Variants in PDS5B observed in about 807,000 individuals in gnomAD.
The protein encoded by PDS5B is sister chromatid cohesion protein PDS5 homolog B.
A neutral mutation model predicts 184.1 loss-of-function variants in PDS5B; 51 were observed. The observed-to-expected ratio is 0.28, with a 90% CI of 0.22 to 0.35. The LOEUF (loss-of-function observed/expected upper bound fraction) is 0.35, where lower values mean the gene tolerates loss of function less well. PDS5B is among the 10% of genes least tolerant of loss of function. The pLI, the probability that PDS5B is intolerant of heterozygous loss-of-function variation, is 1.00. For missense variants in PDS5B, 1,180 were observed against 1,723.3 expected (o/e 0.68, Z 5.58); for synonymous variants, 566 against 569.2 (o/e 0.99, Z 0.08).
At chr13:32,655,376 T>A (rs201153942) in intron 3 of PDS5B, among the ~76,000 whole-genome samples, 1,240 of 63,204 alleles carry the variant, frequency 0.02, 34 homozygotes, top group African/African-American at 0.078. Context: ...ATATATATAT[T>A]TTTTTTTTTT....
At chr13:32,691,862 T>G (rs1465871675) in intron 13 of PDS5B, among the ~76,000 whole-genome samples, 1 of 152,170 alleles carries the variant, frequency 6.6e-6, no homozygotes, top group Non-Finnish European at 1.5e-5. Flanking sequence ...TATCAGACAT[T>G]TAAATTTTTC....
intron 1 of PDS5B, among the ~76,000 whole-genome samples, chr13:32,627,990 C>T (rs1435625139): frequency 2.0e-5 from 3 of 152,130 alleles, no homozygotes; most frequent in African/African-American, 4.8e-5. Flanking sequence ...CTCTTGGCTC[C>T]TGCCAGAGTA....
Position 32,765,169 on chromosome 13 carries a change from A to G in PDS5B, c.3624+575A>G, listed in dbSNP as rs150623841. Among the ~76,000 whole-genome samples the G allele has an allele frequency of 1.3e-3, 195 of 152,336 alleles. 3 individuals carry two copies. Among genetic ancestry groups the G allele is most frequent in the Admixed American group, 0.012 (181 of 15,306 alleles). On this transcript the variant is annotated intron_variant, in intron 31 of 34. Coordinates refer to ENST00000315596, the MANE Select transcript of PDS5B (RefSeq NM_015032.4). The stretch of plus-strand genomic sequence containing the variant: ...TTTAGCATAGACACAAAATACAGTT[A>G]TGTCTTCTAACACAACTCAATGGAC...
At chr13:32,732,861 C>T (rs1025420244) in intron 20 of PDS5B, among the ~76,000 whole-genome samples, 5 of 152,004 alleles carry the variant, frequency 3.3e-5, no homozygotes, top group Admixed American at 1.3e-4. Context: ...GTTCAAGAGC[C>T]TTGAGTAGAG....
chr13:32,635,536 G>A (rs2058535801), intron 1 of PDS5B, among the ~76,000 whole-genome samples: 1 of 149,612 alleles, frequency 6.7e-6, no homozygotes, highest in African/African-American at 2.5e-5. Context: ...TAGAGATGGG[G>A]TTTCACCATG....
chr13:32,646,605 G>T (rs7329120), intron 1 of PDS5B, among the ~76,000 whole-genome samples: 57,785 of 150,788 alleles, frequency 0.38, 11,510 homozygotes, highest in Non-Finnish European at 0.44. Flanking sequence ...TTAGCTTAAC[G>T]GGTTTTAGTG....
rs1950586740 is a variant in PDS5B, at chr13:32,659,265, G to C, written c.609G>C (p.Leu203=). The change falls in exon 6 of 35, where the codon CTG becomes CTC. Residue 203 remains leucine, a synonymous_variant. Transcript: ENST00000315596. ...TTTTGGATACGGTTTTAGTAAATCT[G>C]GTACCTGCTCATAAGGTGAGTAGCA... ...QELLDTVLVN[L]VPAHKNLNKQ... The C allele has an allele frequency of 1.3e-6, 2 of 1,586,316 alleles. No homozygotes were observed. Among genetic ancestry groups the C allele is most frequent in the South Asian group, 2.3e-5 (2 of 85,732 alleles).
chr13:32,740,278 A>G (rs1347380535), intron 21 of PDS5B, among the ~76,000 whole-genome samples: 1 of 152,102 alleles, frequency 6.6e-6, no homozygotes, highest in East Asian at 1.9e-4. Flanking sequence ...AGCTTTTGGG[A>G]TCTTGACATC....
chr13:32,649,361 A>G (rs1950309694), intron 2 of PDS5B: 1 of 154,414 alleles, frequency 6.5e-6, no homozygotes, highest in African/African-American at 2.4e-5. Context: ...ACTTCTATGG[A>G]TGAGGCTAGG....
chr13:32,674,058 A>G (rs1196658068), intron 8 of PDS5B, among the ~76,000 whole-genome samples: 1 of 151,862 alleles, frequency 6.6e-6, no homozygotes, highest in Non-Finnish European at 1.5e-5. Context: ...CAAGTAATCC[A>G]CCTGCCTCGG....
intron 19 of PDS5B, among the ~76,000 whole-genome samples, chr13:32,718,614 T>A (rs1349106910): frequency 6.6e-6 from 1 of 152,218 alleles, no homozygotes; most frequent in African/African-American, 2.4e-5. Context: ...CTGCTATTGT[T>A]TAACATTGTT....
intron 28 of PDS5B, among the ~76,000 whole-genome samples, 200 bp from the exon 29 acceptor site, chr13:32,759,428 A>C (rs1954299986): frequency 6.6e-6 from 1 of 152,208 alleles, no homozygotes; most frequent in Non-Finnish European, 1.5e-5. Context: ...GTTAGAGCTC[A>C]AATATGTTTT....
intron 1 of PDS5B, among the ~76,000 whole-genome samples, chr13:32,618,940 A>G (rs1295234659): frequency 1.3e-5 from 2 of 152,062 alleles, no homozygotes; most frequent in Non-Finnish European, 1.5e-5. Flanking sequence ...TGCAGAACGA[A>G]CTCTCATAGT....
At chr13:32,760,777 A>T in intron 30 of PDS5B, 57 bp downstream of exon 30, 5 of 1,484,244 alleles carry the variant, frequency 3.4e-6, no homozygotes, top group Non-Finnish European at 4.6e-6. Flanking sequence ...AGGCTATGAG[A>T]TCTGAAATAA....
intron 1 of PDS5B, among the ~76,000 whole-genome samples, chr13:32,598,772 T>C (rs1322625125): frequency 4.0e-4 from 56 of 138,586 alleles, no homozygotes; most frequent in East Asian, 1.4e-3. Context: ...TTTTCTCTCT[T>C]TTTTTTTTTT....
chr13:32,690,998 A>G (rs1213345200), intron 13 of PDS5B: 1 of 152,032 alleles, frequency 6.6e-6, no homozygotes, highest in Non-Finnish European at 1.5e-5. Context: ...TCCAAAATCC[A>G]TTACCTTTTT....
intron 1 of PDS5B, among the ~76,000 whole-genome samples, chr13:32,611,016 G>A (rs9591165): frequency 0.4 from 59,856 of 151,116 alleles, 12,252 homozygotes; most frequent in African/African-American, 0.49. Context: ...ATAAAGTAGT[G>A]TTAATCTTTA....
chr13:32,742,312 A>G (rs557332231), intron 22 of PDS5B, among the ~76,000 whole-genome samples: 1 of 152,204 alleles, frequency 6.6e-6, no homozygotes, highest in Non-Finnish European at 1.5e-5. Context: ...GAGGTTAAGC[A>G]TGATTTTACT....
At chr13:32,673,692 A>G (rs976611630) in intron 8 of PDS5B, among the ~76,000 whole-genome samples, 1 of 152,188 alleles carries the variant, frequency 6.6e-6, no homozygotes, top group Non-Finnish European at 1.5e-5. Context: ...TCCTTTGACC[A>G]CTGAGGCCAT....
Sources: gnomAD v4.1 joint callset for allele counts (sites outside exome capture counted in the v4.1 genomes callset) on GRCh38, gnomAD v4.1.1 for gene constraint, MANE v1.5 for transcripts, NCBI Gene and HGNC (gene_info 2026-07-23, HGNC 2026-07-21) for gene names.